ANAPC5: variants seen among roughly 807,000 people sequenced by gnomAD.
ANAPC5 encodes the protein anaphase-promoting complex subunit 5.
Under a neutral mutation model 91.3 loss-of-function variants are expected in ANAPC5, and 60 were observed. The observed-to-expected ratio is 0.66, with a 90% CI of 0.53 to 0.81. The LOEUF (loss-of-function observed/expected upper bound fraction) is 0.81. ANAPC5 is among the 40% of genes least tolerant of loss of function. The pLI is 0.00. For synonymous variants in ANAPC5, 340 were observed against 364.1 expected (o/e 0.93, Z 0.75); for missense variants, 690 against 931.5 (o/e 0.74, Z 3.37).
chr12:121,308,275 A>C lies in ANAPC5; in HGVS notation c.*205T>G. ...AGCAAAATACCCATTTATTAAGAAA[A>C]AGTTGGTGTCCTTTGCTACCAAAAG... On this transcript the variant is annotated 3_prime_UTR_variant, in exon 17 of 17. Transcript: ENST00000261819. 1.8e-6 allele frequency: 1 copy of C among 548,868 alleles called. No individual in the cohort carries two copies. Among genetic ancestry groups the C allele is most frequent in the Non-Finnish European group, 3.3e-6 (1 of 306,992 alleles). 34.0% of individuals were successfully genotyped at this position (548,868 alleles called of 1,614,324 possible).
intron 5 of ANAPC5, among the ~76,000 whole-genome samples, chr12:121,338,701 A>G (rs782483578): frequency 5.3e-5 from 8 of 152,196 alleles, no homozygotes; most frequent in Non-Finnish European, 1.2e-4. Context: ...ATCTTCTGCA[A>G]TCTCACTACC....
chr12:121,320,462 A>G lies in ANAPC5; in HGVS notation c.1441-3T>C, dbSNP rs770020825. The G allele has an allele frequency of 4.3e-6, 7 of 1,613,410 alleles. No homozygotes were observed. Among genetic ancestry groups the G allele is most frequent in the Non-Finnish European group, 5.1e-6 (6 of 1,179,532 alleles). On this transcript the variant is annotated splice_region_variant and splice_polypyrimidine_tract_variant and intron_variant, in intron 11 of 16. Transcript: ENST00000261819. The stretch of plus-strand genomic sequence containing the variant: ...TCAGAAGCTGCAGCAAAACAGCCCT[A>G]AAGTAGAAACACACAATTTGATCAG...
chr12:121,332,554 C>T (rs1358859350), intron 7 of ANAPC5: 1 of 148,748 alleles, frequency 6.7e-6, no homozygotes, highest in Non-Finnish European at 1.5e-5. Context: ...TCCCTATTTC[C>T]CCTGATATAA....
Position 121,319,745 on chromosome 12 carries a change from G to T in ANAPC5, c.1589C>A (p.Ser530Ter). The T allele has an allele frequency of 6.2e-7, 1 of 1,612,500 alleles. No individual in the cohort carries two copies. The highest frequency in any genetic ancestry group is 8.5e-7 in the Non-Finnish European group (1 of 1,179,514). ...GAGAGCTGTGATTCCTGTAACAAGT[G>T]AATCAGCCAAATGATATTTGCCATC... ...MNDGKYHLAD[S>*]LVTGITALNS... Residue 530 changes from serine to a stop codon, truncating the protein, a stop_gained, in exon 13 of 17, where the codon TCA (serine) becomes TAA (stop). Coordinates refer to ENST00000261819, the MANE Select transcript of ANAPC5 (RefSeq NM_016237.5). LOFTEE classifies it high-confidence loss of function.
At chr12:121,311,513 C>T (rs1052697336) in intron 15 of ANAPC5, among the ~76,000 whole-genome samples, 6 of 151,946 alleles carry the variant, frequency 3.9e-5, no homozygotes, top group Non-Finnish European at 8.8e-5. Flanking sequence ...CAAAAACTGA[C>T]AGATTTGAAG....
At position 121,335,588 on chromosome 12, in the gene ANAPC5, T is replaced by C; in HGVS notation, c.895A>G (p.Ser299Gly). 6.2e-7 allele frequency: 1 copy of C among 1,613,830 alleles called. No homozygotes were observed. Among genetic ancestry groups the C allele is most frequent in the Non-Finnish European group, 8.5e-7 (1 of 1,179,746 alleles). Residue 299 changes from serine (S) to glycine (G), a missense_variant, in exon 7 of 17, where the codon AGC becomes GGC. By Grantham distance (56) the Ser-to-Gly change is moderately conservative. Coordinates refer to ENST00000261819, the MANE Select transcript of ANAPC5 (RefSeq NM_016237.5). ...AGATTCAGAGCGGCGTATCTCAAGCTCCGGCCATAGCCCTCTTCCCCATTA... is the reference window on the plus strand; with the variant it reads ...AGATTCAGAGCGGCGTATCTCAAGCCCCGGCCATAGCCCTCTTCCCCATTA... The part of the protein sequence containing the change: ...KSNGEEGYGR[S>G]LRYAALNLAA...
intron 9 of ANAPC5, 171 bp from the exon 10 acceptor site, chr12:121,328,668 C>G: frequency 8.5e-6 from 5 of 587,584 alleles, no homozygotes; most frequent in Non-Finnish European, 1.2e-5. Context: ...GAGATGTGTT[C>G]CTGAAAAACT....
upstream of ANAPC5, among the ~76,000 whole-genome samples, chr12:121,353,072 C>G (rs1903970680): frequency 1.3e-5 from 2 of 152,144 alleles, no homozygotes. Flanking sequence ...GATTTTTCTT[C>G]AGCGTTTCAC....
chr12:121,349,955 C>T lies in ANAPC5; in HGVS notation c.208-2074G>A, dbSNP rs1903820374. 2.0e-5 allele frequency among the ~76,000 whole-genome samples: 3 copies of T among 152,056 alleles called. No homozygotes were observed. The South Asian group carries it at 6.2e-4, about 32-fold the overall frequency. ...CGAACTCCTGACCTCAAGTGATCCA[C>T]CCACCTCAGCCTCCCAAAGTGCCGG... On this transcript the variant is annotated intron_variant, in intron 1 of 16. Transcript: ENST00000261819.
chr12:121,313,748 T>C (rs1902255863), intron 15 of ANAPC5, among the ~76,000 whole-genome samples: 1 of 152,204 alleles, frequency 6.6e-6, no homozygotes, highest in Admixed American at 6.5e-5. Flanking sequence ...ACTGAATTAG[T>C]AACCAAAAAA....
intron 4 of ANAPC5, among the ~76,000 whole-genome samples, chr12:121,344,334 T>A (rs1272503018): frequency 6.6e-6 from 1 of 152,146 alleles, no homozygotes; most frequent in African/African-American, 2.4e-5. Flanking sequence ...ATCCCAGCAC[T>A]TTGGGAGGCC....
chr12:121,352,385 G>C lies in ANAPC5; in HGVS notation c.-45C>G, dbSNP rs1288825605. 3 of 1,516,468 alleles carry C rather than the reference G, an allele frequency of 2.0e-6. No homozygotes were observed. The highest frequency in any genetic ancestry group is 9.0e-7 in the Non-Finnish European group (1 of 1,107,970). The allele number at this position is 1,516,468 out of a possible 1,614,324, so 93.9% of individuals were successfully genotyped here. A position where few individuals can be genotyped will look rare whatever the true frequency, so the allele number is the denominator to read the frequency against. ...TCGGGCCCGCGGCGCGCTGCCGCCA[G>C]TTGTCACCACAAGGCACAACACTAC... is the stretch of plus-strand genomic sequence containing the variant. On this transcript the variant is annotated 5_prime_UTR_variant, in exon 1 of 17. Transcript: ENST00000261819.
chr12:121,320,673 G>GTGCACCA, intron 11 of ANAPC5: 6 of 352,364 alleles, frequency 1.7e-5, no homozygotes, highest in Non-Finnish European at 3.1e-5. Context: ...CGCGATCTCG[G>GTGCACCA]CTCATTGCAA....
intron 11 of ANAPC5, among the ~76,000 whole-genome samples, chr12:121,322,019 C>T (rs1332799013): frequency 1.3e-5 from 2 of 151,984 alleles, no homozygotes; most frequent in African/African-American, 2.4e-5. Flanking sequence ...GTGCATGCCA[C>T]CACGCCCAGC....
rs557813045 is a variant in ANAPC5 at position 121,342,200 on chromosome 12, G to A, written c.591-131C>T. The A allele has an allele frequency of 3.1e-5, 20 of 651,890 alleles. No individual in the cohort carries two copies. The highest frequency in any genetic ancestry group is 4.2e-4 in the Middle Eastern group (1 of 2,372). The allele number at this position is 651,890 out of a possible 1,614,324, so 40.4% of individuals were successfully genotyped here. ...TAACTCTCTCCTCAGAACTAGGAAA[G>A]AAAAACATAAAAAGTGATGTTGAGA... On this transcript the variant is annotated intron_variant, in intron 4 of 16. Transcript: ENST00000261819. This position sits in a 1 kb window ranked among gnomAD's most constrained non-coding sequence, Gnocchi z 4.1.
chr12:121,317,340 G>A lies in ANAPC5; in HGVS notation c.1893+937C>T, dbSNP rs1197852371. 2.0e-5 allele frequency among the ~76,000 whole-genome samples: 3 copies of A among 149,508 alleles called. No individual in the cohort carries two copies. In the East Asian group the frequency reaches 5.9e-4, roughly 29 times the overall value. ...ACGATCCTGGCTCACTGCAACCTCC[G>A]CCTCCCAGGGTCAAGCGATTCTCCT... On this transcript the variant is annotated intron_variant, in intron 15 of 16. Coordinates refer to ENST00000261819, the MANE Select transcript of ANAPC5 (RefSeq NM_016237.5).
Position 121,309,788 on chromosome 12 carries a change from T to G in ANAPC5, c.1969A>C (p.Ile657Leu), listed in dbSNP as rs1312564123. 2.5e-6 allele frequency: 4 copies of G among 1,614,074 alleles called. No individual in the cohort carries two copies. The highest frequency in any genetic ancestry group is 1.1e-5 in the South Asian group (1 of 91,092). Residue 657 changes from isoleucine to leucine, a missense_variant, in exon 16 of 17, where the codon ATC becomes CTC. Ile to Leu is a conservative substitution (Grantham distance 5, BLOSUM62 2). Around this residue, in one of 5 missense-constraint regions of ANAPC5, gnomAD observed 317 missense variants for 438.7 expected, o/e 0.72. Coordinates refer to ENST00000261819, the MANE Select transcript of ANAPC5 (RefSeq NM_016237.5). Reference sequence around the variant, plus strand: ...AACATGGCACGACCTTTGTCCAGGATAGCCCCGTCAGCCAAGATGGGCTCG... The same window carrying G: ...AACATGGCACGACCTTTGTCCAGGAGAGCCCCGTCAGCCAAGATGGGCTCG... The part of the protein sequence containing the change: ...AIEPILADGA[I>L]LDKGRAMFLV...
intron 15 of ANAPC5, among the ~76,000 whole-genome samples, chr12:121,314,139 C>T (rs1416704296): frequency 2.6e-5 from 4 of 152,190 alleles, no homozygotes; most frequent in African/African-American, 9.7e-5. Context: ...CAGTGGCTCA[C>T]GCCTGTAATC....
chr12:121,337,750 T>C, intron 5 of ANAPC5, among the ~76,000 whole-genome samples: 1 of 152,120 alleles, frequency 6.6e-6, no homozygotes. Flanking sequence ...TGAGATCCTA[T>C]AAGCCCCTCC....
Sources: allele counts gnomAD v4.1 joint callset (sites outside exome capture counted in the v4.1 genomes callset), GRCh38; gene constraint gnomAD v4.1.1; regional missense constraint gnomAD v4.1.1; non-coding constraint Gnocchi (gnomAD v3.1); transcripts MANE v1.5; gene names NCBI Gene and HGNC (gene_info 2026-07-23, HGNC 2026-07-21).